The following CARM1 variants were observed in gnomAD, a reference collection of about 807,000 sequenced individuals.
CARM1 encodes histone-arginine methyltransferase CARM1.
A neutral mutation model predicts 72.7 loss-of-function variants in CARM1; 14 were observed. That is an observed-to-expected ratio of 0.19 (90% CI 0.13 to 0.30). The LOEUF (loss-of-function observed/expected upper bound fraction) is 0.30. CARM1 is among the 10% of genes least tolerant of loss of function. CARM1 has a pLI of 1.00. For missense variants in CARM1, 432 were observed against 833.7 expected, an observed-to-expected ratio of 0.52 and a Z score of 5.93; for synonymous variants, 333 against 345.5, an observed-to-expected ratio of 0.96 and a Z score of 0.40.
At chr19:10,889,658 A>G (rs2073967064) in intron 1 of CARM1, among the ~76,000 whole-genome samples, 1 of 151,982 alleles carries the variant, frequency 6.6e-6, no homozygotes, top group Non-Finnish European at 1.5e-5. Flanking sequence ...CTGTAATCCT[A>G]CATTCTTGGG....
chr19:10,919,038 C>G (rs2074219895), intron 8 of CARM1: 1 of 152,858 alleles, frequency 6.5e-6, no homozygotes, highest in East Asian at 1.9e-4. Flanking sequence ...CTGTGTTTCC[C>G]AGGCTTGATT....
rs141578201 is a variant in CARM1 at position 10,906,412 on chromosome 19, C to T, written c.346+1336C>T. 3.0e-3 allele frequency among the ~76,000 whole-genome samples: 456 copies of T among 152,348 alleles called. 1 individual carries two copies. Among genetic ancestry groups the T allele is most frequent in the African/African-American group, 0.011 (443 of 41,578 alleles). On this transcript the variant is annotated intron_variant, in intron 2 of 15. Transcript: ENST00000327064. ...GCAGCACATTAACATTGTTGTGCAA[C>T]TGTCACTACCGCCCATCTCCAGAAC...
At chr19:10,919,788 G>T in intron 9 of CARM1, 89 bp from the exon 10 acceptor site, 1 of 1,498,860 alleles carries the variant, frequency 6.7e-7, no homozygotes, top group Non-Finnish European at 9.3e-7. Flanking sequence ...GGTGGGCGGG[G>T]GCCCCAGGCC....
rs554378947 is a variant in CARM1, at chr19:10,917,367, C to T, written c.1020+590C>T. Among the ~76,000 whole-genome samples, 179 of 152,154 alleles carry T rather than the reference C, an allele frequency of 1.2e-3. 4 individuals are homozygous for T. In the South Asian group the frequency reaches 0.036, roughly 31 times the overall value. ...TGGCGGGCGCCTGTAGTCCCAGCTA[C>T]TCAGGAGGCTGAGGCAGGAGAATGG... is the stretch of plus-strand genomic sequence containing the variant. On this transcript the variant is annotated intron_variant, in intron 8 of 15. Transcript: ENST00000327064.
chr19:10,892,935 A>G (rs548951534), intron 1 of CARM1, among the ~76,000 whole-genome samples: 2 of 152,100 alleles, frequency 1.3e-5, no homozygotes, highest in East Asian at 1.9e-4. Context: ...GGGTTTCACC[A>G]TGTTGGCCAG....
At position 10,912,428 on chromosome 19, in the gene CARM1, C is replaced by T. The variant is rs1201804567; in HGVS notation, c.669+134C>T. ...TGTGCTTTGGTCTCTTTATTGTCCC[C>T]AAGACAGTCATTTCAGGGAGGGGCT... On this transcript the variant is annotated intron_variant, in intron 5 of 15. Coordinates refer to ENST00000327064, the MANE Select transcript of CARM1 (RefSeq NM_199141.2). The surrounding 1 kb of genome is among the most constrained non-coding windows in gnomAD (Gnocchi z 4.5). The T allele has an allele frequency of 1.3e-5, 8 of 629,470 alleles. No individual in the cohort carries two copies. The highest frequency in any genetic ancestry group is 2.0e-5 in the Non-Finnish European group (7 of 355,464). The allele number at this position is 629,470 out of a possible 1,614,324, so 39.0% of individuals were successfully genotyped here.
chr19:10,910,840 A>G (rs1266367652), intron 4 of CARM1, among the ~76,000 whole-genome samples: 2 of 151,860 alleles, frequency 1.3e-5, no homozygotes, highest in Non-Finnish European at 2.9e-5. Context: ...CTTGGATTAC[A>G]GGCATGAGCC....
chr19:10,876,538 G>A lies in CARM1; in HGVS notation c.220+4616G>A, dbSNP rs1599681914. ...AGGACTTCCAGCCCTGTTCCTTGAC[G>A]TCTGCACCCTCCAGGGGAAGGATGA... On this transcript the variant is annotated intron_variant, in intron 1 of 15. Coordinates refer to ENST00000327064, the MANE Select transcript of CARM1 (RefSeq NM_199141.2). Among the ~76,000 whole-genome samples, 4 of 152,226 alleles carry A rather than the reference G, an allele frequency of 2.6e-5. No individual in the cohort carries two copies. In the South Asian group the frequency reaches 6.2e-4, roughly 24 times the overall value.
At chr19:10,881,714 G>A (rs1358251719) in intron 1 of CARM1, among the ~76,000 whole-genome samples, 1 of 152,010 alleles carries the variant, frequency 6.6e-6, no homozygotes, top group East Asian at 1.9e-4. Context: ...AGCCCACTGA[G>A]ACCCACTCTT....
chr19:10,911,249 C>T (rs1200686306), intron 4 of CARM1, among the ~76,000 whole-genome samples: 1 of 152,148 alleles, frequency 6.6e-6, no homozygotes, highest in African/African-American at 2.4e-5. Context: ...TTTTGGGGAT[C>T]TCTCCACGTG....
intron 1 of CARM1, among the ~76,000 whole-genome samples, chr19:10,878,258 A>G (rs2073877766): frequency 6.6e-6 from 1 of 152,228 alleles, no homozygotes; most frequent in Admixed American, 6.5e-5. Flanking sequence ...TTGAGACCAC[A>G]GTGTCCTGCA....
At chr19:10,875,547 C>T (rs915958413) in intron 1 of CARM1, among the ~76,000 whole-genome samples, 1 of 152,044 alleles carries the variant, frequency 6.6e-6, no homozygotes, top group Non-Finnish European at 1.5e-5. Flanking sequence ...GCCTCAGCCT[C>T]CCGGGTAGCT....
intron 8 of CARM1, among the ~76,000 whole-genome samples, chr19:10,917,442 A>C (rs963751991): frequency 6.6e-6 from 1 of 151,940 alleles, no homozygotes; most frequent in Non-Finnish European, 1.5e-5. Flanking sequence ...GCACCACTGC[A>C]CTCCAGCCTG....
intron 14 of CARM1, 108 bp downstream of exon 14, chr19:10,921,235 CT>C (rs2074244191): frequency 2.8e-6 from 4 of 1,433,702 alleles, no homozygotes; most frequent in Non-Finnish European, 3.9e-6. Flanking sequence ...GTCCTTTCAC[CT>C]TTTCCTCTTC....
Position 10,871,601 on chromosome 19 carries a change from G to GGCGGCT in CARM1, c.-97_-96insTGCGGC, listed in dbSNP as rs1299962182. ...CGGCGGTAGCGGCAGCGGCGGCGGCGGCGGCGGCGGCGGCGGCGGCGGCGG... is the reference window on the plus strand; with the variant it reads ...CGGCGGTAGCGGCAGCGGCGGCGGCGGCGGCTGCGGCGGCGGCGGCGGCGGCGGCGG... On this transcript the variant is annotated 5_prime_UTR_variant, in exon 1 of 16. Coordinates refer to ENST00000327064, the MANE Select transcript of CARM1 (RefSeq NM_199141.2). This position sits in a 1 kb window ranked among gnomAD's most constrained non-coding sequence, Gnocchi z 5.6. The GGCGGCT allele has an allele frequency of 2.9e-5, 3 of 104,264 alleles. No individual in the cohort carries two copies. Among genetic ancestry groups the GGCGGCT allele is most frequent in the South Asian group, 3.0e-4 (1 of 3,362 alleles). 6.5% of individuals were successfully genotyped at this position (104,264 alleles called of 1,614,324 possible). A position where few individuals can be genotyped will look rare whatever the true frequency, so the allele number is the denominator to read the frequency against.
chr19:10,902,024 G>A (rs7258596), intron 1 of CARM1, among the ~76,000 whole-genome samples: 5,999 of 151,826 alleles, frequency 0.04, 451 homozygotes, highest in East Asian at 0.36. Context: ...CAGACAGAGC[G>A]CTTGAGCTCA....
chr19:10,901,758 A>G (rs1475809339), intron 1 of CARM1, among the ~76,000 whole-genome samples: 1 of 152,212 alleles, frequency 6.6e-6, no homozygotes, highest in Non-Finnish European at 1.5e-5. Flanking sequence ...CCTGGCCAAC[A>G]TGACAAAACC....
chr19:10,921,033 T>G lies in CARM1; in HGVS notation c.1538-17T>G, dbSNP rs556596409. 8 of 1,613,658 alleles carry G rather than the reference T, an allele frequency of 5.0e-6. No homozygotes were observed. In the African/African-American group the frequency reaches 1.1e-4, roughly 22 times the overall value. On this transcript the variant is annotated splice_polypyrimidine_tract_variant and intron_variant, in intron 13 of 15. Coordinates refer to ENST00000327064, the MANE Select transcript of CARM1 (RefSeq NM_199141.2). ...CCCCTCTGCCTCCAGCCCTGACGTC[T>G]CCCTCTCTGGACACAGGGATGCCGA... is the stretch of plus-strand genomic sequence containing the variant.
intron 2 of CARM1, among the ~76,000 whole-genome samples, chr19:10,905,600 A>G (rs1345569457): frequency 2.0e-5 from 3 of 152,166 alleles, no homozygotes; most frequent in Non-Finnish European, 4.4e-5. Context: ...AGATGGTCTG[A>G]AGGTCCCACC....
Sources: allele counts gnomAD v4.1 joint callset (sites outside exome capture counted in the v4.1 genomes callset), GRCh38; gene constraint gnomAD v4.1.1; non-coding constraint Gnocchi (gnomAD v3.1); transcripts MANE v1.5; gene names NCBI Gene and HGNC (gene_info 2026-07-23, HGNC 2026-07-21).